Variants in FAM114A2 observed in about 807,000 individuals in gnomAD.
The protein encoded by FAM114A2 is family with sequence similarity 114 member A2, also known as protein FAM114A2.
FAM114A2 carries 53 observed loss-of-function variants against 58.4 expected under a neutral mutation model. The observed-to-expected ratio is 0.91, with a 90% confidence interval of 0.73 to 1.14. The LOEUF (loss-of-function observed/expected upper bound fraction) is 1.14, where lower values mean the gene tolerates loss of function less well. FAM114A2 is among the 50% of genes most tolerant of loss of function. The pLI is 0.00. For synonymous variants in FAM114A2, 228 were observed against 211.4 expected, an observed-to-expected ratio of 1.08 and a Z score of -0.68; for missense variants, 601 against 581.1, an observed-to-expected ratio of 1.03 and a Z score of -0.35.
chr5:154,016,413 T>C (rs1335781992), intron 8 of FAM114A2, among the ~76,000 whole-genome samples: 1 of 152,162 alleles, frequency 6.6e-6, no homozygotes, highest in Non-Finnish European at 1.5e-5. Context: ...TAACAGCAGA[T>C]TTCTCAGCAG....
chr5:153,996,397 C>T (rs1364810792), intron 12 of FAM114A2, among the ~76,000 whole-genome samples: 1 of 151,934 alleles, frequency 6.6e-6, no homozygotes, highest in Non-Finnish European at 1.5e-5. Context: ...CAAAAATTAA[C>T]TCAAAATGGA....
intron 8 of FAM114A2, among the ~76,000 whole-genome samples, chr5:154,014,280 G>C (rs923709108): frequency 6.6e-6 from 1 of 152,236 alleles, no homozygotes; most frequent in Non-Finnish European, 1.5e-5. Context: ...GAAAGTAGGA[G>C]AGATCATGGC....
rs1244580716 is a variant in FAM114A2, at chr5:153,993,196, A to AT, written c.1384-87dup. ...TGTAAGGCAACAGGGGAACAGATTA[A>AT]TTTTTGTAATCTAACTGAATTCATA... On this transcript the variant is annotated intron_variant, in intron 13 of 13. Transcript: ENST00000351797. 15 of 1,109,446 alleles carry AT rather than the reference A, an allele frequency of 1.4e-5. No individual in the cohort carries two copies. The Admixed American group carries it at 3.6e-4, about 26-fold the overall frequency. The allele number at this position is 1,109,446 out of a possible 1,614,324, so 68.7% of individuals were successfully genotyped here. A position where few individuals can be genotyped will look rare whatever the true frequency, so the allele number is the denominator to read the frequency against.
rs375265827 is a variant in FAM114A2 at position 154,002,843 on chromosome 5, C to T, written c.1116+4G>A. 6 of 1,613,854 alleles carry T rather than the reference C, an allele frequency of 3.7e-6. No homozygotes were observed. In the African/African-American group the frequency reaches 8.0e-5, roughly 22 times the overall value. ...AACAAAAAAGGCTTAGTTGCTTTGG[C>T]TACCTCTATTGAATTTTTGTTGACT... On this transcript the variant is annotated splice_donor_region_variant and intron_variant, in intron 10 of 13. Coordinates refer to ENST00000351797, the MANE Select transcript of FAM114A2 (RefSeq NM_018691.4).
chr5:154,008,502 C>T (rs182171852), intron 9 of FAM114A2, among the ~76,000 whole-genome samples: 1 of 152,204 alleles, frequency 6.6e-6, no homozygotes, highest in African/African-American at 2.4e-5. Flanking sequence ...CACACCTGAC[C>T]TCATATGATG....
rs1772387947 is a variant in FAM114A2, at chr5:154,034,269, T to C, written c.310+9A>G. The C allele has an allele frequency of 6.6e-7, 1 of 1,506,952 alleles. No individual in the cohort carries two copies. The highest frequency in any genetic ancestry group is 9.0e-7 in the Non-Finnish European group (1 of 1,108,502). 93.3% of individuals were successfully genotyped at this position (1,506,952 alleles called of 1,614,324 possible). A position where few individuals can be genotyped will look rare whatever the true frequency, so the allele number is the denominator to read the frequency against. Reference sequence around the variant, plus strand: ...CACACAAAAATAACTAAATGACTGATGATCTTACCTACTGTAGCTACTGTA... The same window carrying C: ...CACACAAAAATAACTAAATGACTGACGATCTTACCTACTGTAGCTACTGTA... On this transcript the variant is annotated intron_variant, in intron 3 of 13. Transcript: ENST00000351797.
intron 9 of FAM114A2, among the ~76,000 whole-genome samples, chr5:154,008,830 C>T (rs972814072): frequency 2.6e-5 from 4 of 152,080 alleles, no homozygotes; most frequent in African/African-American, 9.7e-5. Context: ...TCAGATACAT[C>T]TCATAATTAA....
chr5:153,995,203 C>G, intron 12 of FAM114A2: 1 of 405,924 alleles, frequency 2.5e-6, no homozygotes, highest in Non-Finnish European at 4.4e-6. Context: ...TGTTTTATAC[C>G]TTTTTATTGA....
chr5:154,037,686 A>C (rs1438654225), intron 1 of FAM114A2, among the ~76,000 whole-genome samples: 1 of 152,178 alleles, frequency 6.6e-6, no homozygotes, highest in Non-Finnish European at 1.5e-5. Context: ...AATTCATATA[A>C]TTCCATGAAA....
At chr5:154,019,721 C>G (rs908989638) in intron 8 of FAM114A2, among the ~76,000 whole-genome samples, 1 of 152,020 alleles carries the variant, frequency 6.6e-6, no homozygotes, top group Non-Finnish European at 1.5e-5. Context: ...AACCCAGAAA[C>G]AAACCCAAAT....
rs1448787324 is a variant in FAM114A2, at chr5:153,992,021, A to G, written c.*955T>C. 1 of 152,232 alleles carries G rather than the reference A, an allele frequency of 6.6e-6. No homozygotes were observed. Among genetic ancestry groups the G allele is most frequent in the East Asian group, 1.9e-4 (1 of 5,204 alleles). The allele number at this position is 152,232 out of a possible 1,614,324, so 9.4% of individuals were successfully genotyped here. The stretch of plus-strand genomic sequence containing the variant: ...ACATTAAAACAAACAAAAAGGAAAG[A>G]GGAAAAAATAAACTATGCCTTAGAA... On this transcript the variant is annotated 3_prime_UTR_variant, in exon 14 of 14. Transcript: ENST00000351797.
chr5:154,012,029 T>C (rs1770733293), intron 8 of FAM114A2, among the ~76,000 whole-genome samples: 1 of 152,098 alleles, frequency 6.6e-6, no homozygotes, highest in Admixed American at 6.6e-5. Context: ...CACATTTAAA[T>C]TTTAGAAAGA....
chr5:153,992,775 TACA>T lies in FAM114A2; in HGVS notation c.*198_*200del, dbSNP rs1215331623. ...GTTTCTTTTCAAATAATTTATGAAT[TACA>T]ACAACTGGAAAGAATACTGTGAGAA... On this transcript the variant is annotated 3_prime_UTR_variant, in exon 14 of 14. Transcript: ENST00000351797. 2 of 390,620 alleles carry T rather than the reference TACA, an allele frequency of 5.1e-6. No individual in the cohort carries two copies. Among genetic ancestry groups the T allele is most frequent in the Non-Finnish European group, 9.0e-6 (2 of 221,128 alleles). The allele number at this position is 390,620 out of a possible 1,614,324, so 24.2% of individuals were successfully genotyped here.
At position 154,018,960 on chromosome 5, in the gene FAM114A2, T is replaced by C. The variant is rs562887753; in HGVS notation, c.913+7439A>G. On this transcript the variant is annotated intron_variant, in intron 8 of 13. Coordinates refer to ENST00000351797, the MANE Select transcript of FAM114A2 (RefSeq NM_018691.4). ...AACCCACAGTCAACATAATACCGAA[T>C]GGAGAGAAGTTGAAAGCATTCCCTC... Among the ~76,000 whole-genome samples, 3 of 152,226 alleles carry C rather than the reference T, an allele frequency of 2.0e-5. No individual in the cohort carries two copies. In the South Asian group the frequency reaches 6.2e-4, roughly 32 times the overall value.
intron 11 of FAM114A2, among the ~76,000 whole-genome samples, chr5:154,000,343 T>C (rs998825771): frequency 1.3e-5 from 2 of 152,190 alleles, no homozygotes; most frequent in Non-Finnish European, 2.9e-5. Context: ...TTCAAAATAA[T>C]GTAAAGCACT....
At chr5:154,005,784 T>C (rs796405659) in intron 9 of FAM114A2, among the ~76,000 whole-genome samples, 23 of 152,344 alleles carry the variant, frequency 1.5e-4, no homozygotes, top group African/African-American at 5.5e-4. Context: ...ACCTAGTTTA[T>C]TAACTTTACA....
chr5:154,033,996 C>CAA, intron 3 of FAM114A2, 113 bp from the exon 4 acceptor site: 1 of 704,044 alleles, frequency 1.4e-6, no homozygotes, highest in African/African-American at 1.8e-5. Context: ...GTTATTTTGA[C>CAA]AATACATAAC....
chr5:154,030,902 A>G (rs1313859077), intron 4 of FAM114A2, among the ~76,000 whole-genome samples: 1 of 152,210 alleles, frequency 6.6e-6, no homozygotes, highest in Non-Finnish European at 1.5e-5. Context: ...CAGAGACTTT[A>G]TATTAAACAC....
intron 11 of FAM114A2, among the ~76,000 whole-genome samples, chr5:153,998,479 G>A (rs959423363): frequency 6.6e-6 from 1 of 152,168 alleles, no homozygotes; most frequent in Non-Finnish European, 1.5e-5. Context: ...CTCACTCTGG[G>A]GGGAATAAAT....
Sources: gnomAD v4.1 joint callset for allele counts (sites outside exome capture counted in the v4.1 genomes callset) on GRCh38, gnomAD v4.1.1 for gene constraint, MANE v1.5 for transcripts, NCBI Gene and HGNC (gene_info 2026-07-23, HGNC 2026-07-21) for gene names.